PLXNA4: variants seen among roughly 807,000 people sequenced by gnomAD.
PLXNA4 encodes plexin A4.
In PLXNA4, 44 loss-of-function variants were observed where a neutral mutation model predicts 191.8. The ratio of observed to expected loss-of-function variants is 0.23; its 90% CI spans 0.18 to 0.29. The LOEUF (loss-of-function observed/expected upper bound fraction) is 0.29. Among genes scored for constraint, PLXNA4 ranks in the 10% least tolerant of loss-of-function variants. PLXNA4 has a pLI of 1.00. For missense variants in PLXNA4, 1,800 were observed against 2,488.8 expected (o/e 0.72, Z 5.89); for synonymous variants, 1,082 against 1,009.5 (o/e 1.07, Z -1.36).
intron 10 of PLXNA4, among the ~76,000 whole-genome samples, chr7:132,208,410 C>T (rs541842055): frequency 6.6e-6 from 1 of 152,342 alleles, no homozygotes; most frequent in Admixed American, 6.5e-5. Flanking sequence ...AGCTGAGCTG[C>T]TTTGGAAGCA....
At chr7:132,448,978 C>T (rs1000765380) in intron 3 of PLXNA4, among the ~76,000 whole-genome samples, 1 of 152,098 alleles carries the variant, frequency 6.6e-6, no homozygotes. Context: ...AATGTTACAA[C>T]AGGTAATGAA....
chr7:132,272,081 G>T (rs1800098367), intron 4 of PLXNA4, among the ~76,000 whole-genome samples: 1 of 152,120 alleles, frequency 6.6e-6, no homozygotes, highest in Admixed American at 6.5e-5. Context: ...GGTTTAGGTA[G>T]GTTTTTCTTC....
intron 2 of PLXNA4, among the ~76,000 whole-genome samples, chr7:132,599,298 G>A (rs1231579321): frequency 6.6e-6 from 1 of 152,100 alleles, no homozygotes; most frequent in Non-Finnish European, 1.5e-5. Flanking sequence ...ATTCAAAGGT[G>A]CAACACACAT....
At chr7:132,313,213 A>G (rs1021715072) in intron 3 of PLXNA4, among the ~76,000 whole-genome samples, 13 of 152,224 alleles carry the variant, frequency 8.5e-5, no homozygotes, top group Non-Finnish European at 1.5e-4. Flanking sequence ...CTTATTTATG[A>G]AATGCATTTA....
intron 2 of PLXNA4, among the ~76,000 whole-genome samples, chr7:132,635,069 T>C (rs973261483): frequency 2.6e-5 from 4 of 152,032 alleles, no homozygotes; most frequent in Admixed American, 2.6e-4. Context: ...TCCAAGCTCT[T>C]CAGTTTTGGG....
At chr7:132,258,159 C>G (rs1451967899) in intron 4 of PLXNA4, among the ~76,000 whole-genome samples, 2 of 152,234 alleles carry the variant, frequency 1.3e-5, no homozygotes, top group African/African-American at 4.8e-5. Context: ...TGGAGAGGGT[C>G]TCCCCACCCC....
intron 3 of PLXNA4, among the ~76,000 whole-genome samples, chr7:132,346,388 A>T (rs1216521186): frequency 6.6e-6 from 1 of 152,214 alleles, no homozygotes; most frequent in Non-Finnish European, 1.5e-5. Context: ...ATATTAAGTG[A>T]CCTACTCAAG....
At chr7:132,431,330 C>A (rs1795251751) in intron 3 of PLXNA4, among the ~76,000 whole-genome samples, 2 of 152,118 alleles carry the variant, frequency 1.3e-5, no homozygotes, top group East Asian at 3.9e-4. Context: ...CCCCTCTCCC[C>A]CTCCCAATCC....
At chr7:132,368,377 C>T (rs1428632885) in intron 3 of PLXNA4, among the ~76,000 whole-genome samples, 1 of 152,148 alleles carries the variant, frequency 6.6e-6, no homozygotes, top group African/African-American at 2.4e-5. Flanking sequence ...GACGCGGCTG[C>T]ACCCACACAG....
At chr7:132,134,806 C>T (rs1022781309) in intron 30 of PLXNA4, among the ~76,000 whole-genome samples, 18 of 152,136 alleles carry the variant, frequency 1.2e-4, no homozygotes, top group Admixed American at 6.5e-4. Flanking sequence ...TTCCATTCCC[C>T]GCCCCTCCTC....
intron 27 of PLXNA4, among the ~76,000 whole-genome samples, chr7:132,146,999 T>G (rs762177683): frequency 5.3e-4 from 81 of 152,240 alleles, no homozygotes; most frequent in Non-Finnish European, 9.7e-4. Flanking sequence ...CTGTACTTTT[T>G]TAATGCTTTT....
intron 9 of PLXNA4, among the ~76,000 whole-genome samples, chr7:132,214,927 T>C (rs1449258456): frequency 6.6e-6 from 1 of 152,168 alleles, no homozygotes; most frequent in East Asian, 1.9e-4. Flanking sequence ...CTAACACATA[T>C]AAAGCGTCTG....
intron 3 of PLXNA4, among the ~76,000 whole-genome samples, chr7:132,414,819 C>G (rs888714745): frequency 6.6e-6 from 1 of 152,156 alleles, no homozygotes; most frequent in African/African-American, 2.4e-5. Context: ...GGCACCCACA[C>G]GAAAACCTCC....
chr7:132,192,913 CAGAA>C lies in PLXNA4; in HGVS notation c.2856+1145_2856+1148del, dbSNP rs1465854695. 3.9e-5 allele frequency among the ~76,000 whole-genome samples: 6 copies of C among 151,904 alleles called. No homozygotes were observed. In the South Asian group the frequency reaches 1.3e-3, roughly 32 times the overall value. ...AATTTAAGGACTGGGGAGAGATCCT[CAGAA>C]AGGCCATGGGATGGGGAAAGGGGTG... On this transcript the variant is annotated intron_variant, in intron 14 of 31. Transcript: ENST00000321063.
In PLXNA4 at chr7:132,519,006, G is replaced by A. The variant is rs144504721; in HGVS notation, c.-86-10227C>T. 5.2e-3 allele frequency among the ~76,000 whole-genome samples: 787 copies of A among 152,192 alleles called. 3 individuals are homozygous for A. Among genetic ancestry groups the A allele is most frequent in the Middle Eastern group, 0.041 (12 of 294 alleles). On this transcript the variant is annotated intron_variant, in intron 1 of 31. Transcript: ENST00000321063. ...AACTCTCCATTACCACGTGGAGATC[G>A]CCTTGAGATTCCAGGCACTGTGCCT...
intron 1 of PLXNA4, among the ~76,000 whole-genome samples, chr7:132,509,153 G>A (rs1326241781): frequency 6.9e-6 from 1 of 145,936 alleles, no homozygotes; most frequent in East Asian, 2.1e-4. Context: ...AGACTGGCTG[G>A]AGGAGAAGAG....
intron 3 of PLXNA4, among the ~76,000 whole-genome samples, chr7:132,460,128 G>C (rs1796452291): frequency 6.6e-6 from 1 of 152,098 alleles, no homozygotes; most frequent in Non-Finnish European, 1.5e-5. Context: ...CCGAGTTGAG[G>C]GGATCGCTTG....
At chr7:132,310,217 A>G (rs1383613951) in intron 3 of PLXNA4, among the ~76,000 whole-genome samples, 2 of 152,236 alleles carry the variant, frequency 1.3e-5, no homozygotes, top group African/African-American at 4.8e-5. Flanking sequence ...TGAGGATCTC[A>G]TCAGGTGAAT....
At chr7:132,199,831 C>T (rs1797374725) in intron 12 of PLXNA4, among the ~76,000 whole-genome samples, 1 of 152,204 alleles carries the variant, frequency 6.6e-6, no homozygotes. Flanking sequence ...CTACCTCCCA[C>T]CTCCTACACA....
Sources: gnomAD v4.1 joint callset for allele counts (sites outside exome capture counted in the v4.1 genomes callset) on GRCh38, gnomAD v4.1.1 for gene constraint, MANE v1.5 for transcripts, NCBI Gene and HGNC (gene_info 2026-07-23, HGNC 2026-07-21) for gene names.